MTERF4: variants seen among roughly 807,000 people sequenced by gnomAD.
MTERF4 encodes the protein mitochondrial transcription termination factor 4, also known as transcription termination factor 4, mitochondrial.
MTERF4 carries 17 observed loss-of-function variants against 22.5 expected under a neutral mutation model. That is an observed-to-expected ratio of 0.75 (90% CI 0.52 to 1.13). MTERF4 has a LOEUF of 1.13. Ranked by LOEUF, MTERF4 falls within the 50% of genes most tolerant of loss-of-function variation. The pLI, the probability that MTERF4 is intolerant of heterozygous loss-of-function variation, is 0.00. For synonymous variants in MTERF4, 165 were observed against 175.3 expected, an observed-to-expected ratio of 0.94 and a Z score of 0.47; for missense variants, 420 against 466.8, an observed-to-expected ratio of 0.90 and a Z score of 0.92.
the MTERF4 span, chr2:241,052,321 A>T: frequency 2.0e-6 from 3 of 1,535,278 alleles, no homozygotes; most frequent in Non-Finnish European, 2.7e-6. Context: ...TTCAGGGAAG[A>T]CACAGTGGCC....
At chr2:241,090,596 A>G (rs1201503508), downstream of MTERF4, 12 of 977,652 alleles carry the variant, frequency 1.2e-5, no homozygotes, top group Non-Finnish European at 1.6e-5. Flanking sequence ...GCATCACCAC[A>G]AACACAAAAA....
chr2:241,101,945 T>C (rs1034152469), intron 1 of MTERF4, among the ~76,000 whole-genome samples: 6 of 151,516 alleles, frequency 4.0e-5, no homozygotes, highest in African/African-American at 9.7e-5. Context: ...CCCAGCTACT[T>C]GGGAGGCTGA....
At chr2:241,044,422 A>G in the MTERF4 span, among the ~76,000 whole-genome samples, 1 of 152,234 alleles carries the variant, frequency 6.6e-6, no homozygotes, top group East Asian at 1.9e-4. Flanking sequence ...GAATACAGCT[A>G]CAATCCTGGA....
At chr2:241,090,093 C>T (rs937015258), downstream of MTERF4, 1 of 1,505,946 alleles carries the variant, frequency 6.6e-7, no homozygotes, top group African/African-American at 1.4e-5. Flanking sequence ...TTACTTTATA[C>T]ATTTTTAATT....
In MTERF4 at chr2:241,099,653, C is replaced by G; in HGVS notation, c.263G>C (p.Gly88Ala). The change falls in exon 2 of 4, where the codon GGG (glycine) becomes GCG (alanine). Residue 88 changes from glycine to alanine, a missense_variant. Transcript: ENST00000391980. ...CATGACCCTCTCTAGCTCCAAGGAC[C>G]CTTGTACCACAGGAGTCCCCTGCTT... Reference protein sequence around the residue: ...LEKQGTPVVQGSLELERVMSS... With the variant: ...LEKQGTPVVQASLELERVMSS... The G allele has an allele frequency of 1.2e-6, 2 of 1,614,168 alleles. No individual in the cohort carries two copies. The highest frequency in any genetic ancestry group is 3.3e-5 in the Admixed American group (2 of 60,026).
At chr2:241,051,623 A>G in the MTERF4 span, 4 of 781,240 alleles carry the variant, frequency 5.1e-6, no homozygotes, top group Non-Finnish European at 7.7e-6. The surrounding 1 kb of genome is among the most constrained non-coding windows in gnomAD (Gnocchi z 4.7). Flanking sequence ...GCCAGGCCCC[A>G]GGGCTTCGTC....
downstream of MTERF4, chr2:241,094,762 A>C: frequency 5.9e-6 from 1 of 170,058 alleles, no homozygotes; most frequent in Non-Finnish European, 1.3e-5. This position sits in a 1 kb window ranked among gnomAD's most constrained non-coding sequence, Gnocchi z 4.3. Context: ...TACCCACTAG[A>C]ATCCTACAAT....
At chr2:241,053,560 C>A in the MTERF4 span, among the ~76,000 whole-genome samples, 7 of 152,228 alleles carry the variant, frequency 4.6e-5, no homozygotes, top group Non-Finnish European at 7.3e-5. Context: ...ATCCTCAGAG[C>A]AGCCCGGAGC....
exon 5 of MTERF4, chr2:241,074,597 C>T (rs2062932926): frequency 6.6e-6 from 1 of 152,152 alleles, no homozygotes; most frequent in Non-Finnish European, 1.5e-5. Context: ...CGGGCTGGCC[C>T]TGAGGTCACC....
chr2:241,048,860 C>T, the MTERF4 span: 1 of 1,242,950 alleles, frequency 8.0e-7, no homozygotes, highest in Non-Finnish European at 1.1e-6. Context: ...TAGGTCCAGA[C>T]TGTCGACCAT....
intron 1 of MTERF4, among the ~76,000 whole-genome samples, chr2:241,100,162 G>A (rs989089933): frequency 3.9e-5 from 6 of 152,164 alleles, no homozygotes; most frequent in African/African-American, 1.2e-4. Context: ...GGGACATGGA[G>A]GAAGAGGGAA....
At chr2:241,084,615 G>T (rs545367193), downstream of MTERF4, among the ~76,000 whole-genome samples, 21 of 152,232 alleles carry the variant, frequency 1.4e-4, no homozygotes, top group Admixed American at 1.4e-3. Flanking sequence ...CATATGCTGT[G>T]AACTGCACTA....
chr2:241,057,518 A>T, the MTERF4 span, among the ~76,000 whole-genome samples: 8 of 150,888 alleles, frequency 5.3e-5, no homozygotes, highest in African/African-American at 2.0e-4. Context: ...CCCCAACTCT[A>T]CAAAAAACTT....
chr2:241,071,657 G>A (rs760235034), downstream of MTERF4: 16 of 1,565,962 alleles, frequency 1.0e-5, no homozygotes, highest in African/African-American at 5.4e-5. Flanking sequence ...CCCCCGGCGC[G>A]CCTGCCGGAG....
chr2:241,065,737 T>C, the MTERF4 span: 1 of 739,032 alleles, frequency 1.4e-6, no homozygotes, highest in South Asian at 1.9e-5. Context: ...AGCTGGGGGT[T>C]GGAGGCACCG....
chr2:241,071,356 G>A (rs558053996), downstream of MTERF4: 15 of 601,278 alleles, frequency 2.5e-5, no homozygotes, highest in African/African-American at 1.9e-4. Context: ...TCATGGCTGC[G>A]CATGGCTCCT....
the MTERF4 span, among the ~76,000 whole-genome samples, chr2:241,058,180 G>A: frequency 3.9e-5 from 6 of 152,106 alleles, no homozygotes; most frequent in Non-Finnish European, 8.8e-5. Context: ...AAGACGAAAA[G>A]CATCATTAAG....
the MTERF4 span, chr2:241,053,157 G>A: frequency 1.2e-6 from 2 of 1,609,514 alleles, no homozygotes; most frequent in Non-Finnish European, 1.7e-6. Context: ...TTGCAGAGGT[G>A]GACTGCGGCC....
downstream of MTERF4, chr2:241,091,744 A>C (rs2064020748): frequency 6.6e-6 from 1 of 152,372 alleles, no homozygotes. The surrounding 1 kb of genome is among the most constrained non-coding windows in gnomAD (Gnocchi z 4.1). Flanking sequence ...AAAAGGTCCT[A>C]GCTGGAGTCA....
Sources: gnomAD v4.1 joint callset for allele counts (sites outside exome capture counted in the v4.1 genomes callset) on GRCh38, gnomAD v4.1.1 for gene constraint, Gnocchi (gnomAD v3.1) non-coding constraint, MANE v1.5 for transcripts, NCBI Gene and HGNC (gene_info 2026-07-23, HGNC 2026-07-21) for gene names.